Variants in TSNARE1 observed in about 807,000 individuals in gnomAD.
The protein encoded by TSNARE1 is t-SNARE domain-containing protein 1.
In TSNARE1, 49 loss-of-function variants were observed where a neutral mutation model predicts 62.0. The observed-to-expected ratio is 0.79, with a 90% CI of 0.63 to 1.00. The LOEUF (loss-of-function observed/expected upper bound fraction) is 1.00, where lower values mean the gene tolerates loss of function less well. TSNARE1 is among the 50% of genes least tolerant of loss of function. TSNARE1 has a pLI of 0.00. For synonymous variants in TSNARE1, 328 were observed against 294.4 expected (o/e 1.11, Z -1.17); for missense variants, 755 against 700.1 (o/e 1.08, Z -0.88).
chr8:142,223,114 T>TCACTCATCCACTCACTCACTCATC (rs1816525249), intron 13 of TSNARE1, among the ~76,000 whole-genome samples: 1 of 16,418 alleles, frequency 6.1e-5, no homozygotes, highest in Non-Finnish European at 1.7e-4. Context: ...ACTCACTCGT[T>TCACTCATCCACTCACTCACTCATC]CACTCATTCA....
At chr8:142,400,316 G>C (rs912954458) in intron 1 of TSNARE1, among the ~76,000 whole-genome samples, 1 of 152,058 alleles carries the variant, frequency 6.6e-6, no homozygotes, top group African/African-American at 2.4e-5. Context: ...CGTGGTGGCA[G>C]GCCCCTGTAA....
rs1362644141 is a variant in TSNARE1, at chr8:142,345,802, T to C, written c.179A>G (p.Asp60Gly). 3.1e-6 allele frequency: 5 copies of C among 1,613,710 alleles called. No homozygotes were observed. Among genetic ancestry groups the C allele is most frequent in the Non-Finnish European group, 4.2e-6 (5 of 1,179,880 alleles). Residue 60 changes from aspartate (D) to glycine (G), a missense_variant, in exon 3 of 14, where the codon GAC becomes GGC. By Grantham distance (94) the Asp-to-Gly change is moderately conservative. Transcript: ENST00000524325. ...TGCTGGCCCCAGATCACCTTCCCCGTCCTTCCCCACACAGCGGTTCTGCAG... is the reference window on the plus strand; with the variant it reads ...TGCTGGCCCCAGATCACCTTCCCCGCCCTTCCCCACACAGCGGTTCTGCAG... ...SKLQNRCVGK[D>G]GEGDLGPAGT...
At chr8:142,389,489 T>A (rs1261591671) in intron 1 of TSNARE1, among the ~76,000 whole-genome samples, 5 of 152,178 alleles carry the variant, frequency 3.3e-5, no homozygotes, top group Admixed American at 6.6e-5. Context: ...TGCACATATA[T>A]CACACTTAAA....
At chr8:142,268,143 C>A (rs139529592) in intron 12 of TSNARE1, among the ~76,000 whole-genome samples, 1 of 152,212 alleles carries the variant, frequency 6.6e-6, no homozygotes, top group Non-Finnish European at 1.5e-5. Context: ...GCCCTCCCTG[C>A]GTGCCACCTG....
At chr8:142,248,780 C>T (rs1818013795) in intron 12 of TSNARE1, among the ~76,000 whole-genome samples, 1 of 152,246 alleles carries the variant, frequency 6.6e-6, no homozygotes, top group Admixed American at 6.5e-5. Context: ...GGCTCCACGT[C>T]TCCCACCTGG....
intron 12 of TSNARE1, among the ~76,000 whole-genome samples, chr8:142,248,447 TTC>T (rs954657383): frequency 9.2e-5 from 14 of 151,662 alleles, no homozygotes; most frequent in African/African-American, 3.4e-4. Context: ...GCTCCTGGTG[TTC>T]TCTCTCTCTC....
intron 13 of TSNARE1, among the ~76,000 whole-genome samples, chr8:142,219,155 G>A (rs1816085544): frequency 6.6e-6 from 1 of 152,186 alleles, no homozygotes; most frequent in Non-Finnish European, 1.5e-5. Context: ...TCCCTGGGGT[G>A]GGGCCAGAAT....
intron 4 of TSNARE1, among the ~76,000 whole-genome samples, chr8:142,339,444 G>A (rs530793262): frequency 1.3e-5 from 2 of 152,088 alleles, no homozygotes; most frequent in African/African-American, 4.8e-5. Context: ...AAGCCAGGGC[G>A]GGCAGGCAGG....
At chr8:142,351,997 T>C (rs1834148724) in intron 2 of TSNARE1, among the ~76,000 whole-genome samples, 1 of 152,218 alleles carries the variant, frequency 6.6e-6, no homozygotes, top group African/African-American at 2.4e-5. Flanking sequence ...GGCAGCATTA[T>C]CATCTTGTGA....
At position 142,331,882 on chromosome 8, in the gene TSNARE1, C is replaced by G. The variant is rs1279915671; in HGVS notation, c.746-51G>C. 2.6e-6 allele frequency: 4 copies of G among 1,531,178 alleles called. No individual in the cohort carries two copies. In the South Asian group the frequency reaches 4.7e-5, roughly 18 times the overall value. 94.8% of individuals were successfully genotyped at this position (1,531,178 alleles called of 1,614,324 possible). A position where few individuals can be genotyped will look rare whatever the true frequency, so the allele number is the denominator to read the frequency against. On this transcript the variant is annotated intron_variant, in intron 4 of 13. Coordinates refer to ENST00000524325, the MANE Select transcript of TSNARE1 (RefSeq NM_145003.5). ...GAACACAGGCTAAGGGTGAAGCCTG[C>G]AGGCCCAGCTCTGCTAACCGCTCTG... is the stretch of plus-strand genomic sequence containing the variant.
intron 1 of TSNARE1, among the ~76,000 whole-genome samples, chr8:142,355,658 C>T (rs922204869): frequency 5.3e-5 from 8 of 152,216 alleles, no homozygotes; most frequent in African/African-American, 1.9e-4. Context: ...GGCCTACACC[C>T]TAATGCTATC....
At chr8:142,314,794 G>A (rs1332860103) in intron 8 of TSNARE1, among the ~76,000 whole-genome samples, 5 of 152,226 alleles carry the variant, frequency 3.3e-5, no homozygotes, top group Non-Finnish European at 7.3e-5. Context: ...GTCAGCTCTT[G>A]AAGGTAAATG....
intron 4 of TSNARE1, 57 bp downstream of exon 4, chr8:142,343,909 C>G: frequency 1.4e-6 from 2 of 1,435,852 alleles, no homozygotes; most frequent in Non-Finnish European, 1.8e-6. Flanking sequence ...AGATGGGCCC[C>G]CCCCTCCTGC....
At chr8:142,308,528 T>G (rs1389003510) in intron 9 of TSNARE1, among the ~76,000 whole-genome samples, 1 of 152,168 alleles carries the variant, frequency 6.6e-6, no homozygotes, top group African/African-American at 2.4e-5. Context: ...GTGTGGTCCG[T>G]GTCCAGTCTC....
chr8:142,260,890 G>A (rs1818824380), intron 12 of TSNARE1, among the ~76,000 whole-genome samples: 2 of 144,582 alleles, frequency 1.4e-5, no homozygotes, highest in African/African-American at 2.6e-5. Context: ...GGAAGGTGAG[G>A]GCAGATCTTC....
At chr8:142,390,076 G>A (rs1457922471) in intron 1 of TSNARE1, among the ~76,000 whole-genome samples, 1 of 152,238 alleles carries the variant, frequency 6.6e-6, no homozygotes, top group African/African-American at 2.4e-5. Context: ...CATAGAAAAG[G>A]TACGGCAGAA....
intron 1 of TSNARE1, among the ~76,000 whole-genome samples, chr8:142,360,117 T>A (rs1002822968): frequency 1.3e-5 from 2 of 152,184 alleles, no homozygotes; most frequent in African/African-American, 2.4e-5. Context: ...CAAAGCACTC[T>A]GCTGAGTTCA....
At chr8:142,246,729 G>A (rs557291886) in intron 12 of TSNARE1, among the ~76,000 whole-genome samples, 24 of 152,280 alleles carry the variant, frequency 1.6e-4, no homozygotes, top group Admixed American at 1.2e-3. Flanking sequence ...GCGCAGACAC[G>A]GGAGAACCGT....
At position 142,245,794 on chromosome 8, in the gene TSNARE1, G is replaced by A. The variant is rs572947102; in HGVS notation, c.1447-16215C>T. ...GCAGGGCTGCTCCCAGGAGCAAGCA[G>A]TGGTCCTGTTGGTTCTGGGTTAGGA... On this transcript the variant is annotated intron_variant, in intron 12 of 13. Transcript: ENST00000524325. 2.6e-5 allele frequency among the ~76,000 whole-genome samples: 4 copies of A among 152,276 alleles called. No homozygotes were observed. The East Asian group carries it at 7.7e-4, about 29-fold the overall frequency.
Sources: allele counts gnomAD v4.1 joint callset (sites outside exome capture counted in the v4.1 genomes callset), GRCh38; gene constraint gnomAD v4.1.1; transcripts MANE v1.5; gene names NCBI Gene and HGNC (gene_info 2026-07-23, HGNC 2026-07-21).